ELOVL6: variants seen among roughly 807,000 people sequenced by gnomAD.
ELOVL6 encodes the protein ELOVL fatty acid elongase 6.
ELOVL6 carries 8 observed loss-of-function variants against 31.7 expected under a neutral mutation model. That is an observed-to-expected ratio of 0.25 (90% CI 0.15 to 0.45). The LOEUF (loss-of-function observed/expected upper bound fraction) is 0.45, where lower values mean the gene tolerates loss of function less well. Ranked by LOEUF, ELOVL6 falls within the 20% of genes least tolerant of loss-of-function variation. The probability of loss-of-function intolerance (pLI) is 1.00; values close to 1 mark genes in which losing one functional copy is unlikely to be tolerated. For synonymous variants in ELOVL6, 101 were observed against 117.7 expected, an observed-to-expected ratio of 0.86 and a Z score of 0.92; for missense variants, 126 against 326.4, an observed-to-expected ratio of 0.39 and a Z score of 4.73.
At position 110,046,845 on chromosome 4, in the gene ELOVL6, G is replaced by C. The variant is rs1754708316; in HGVS notation, c.*4493C>G. ...TCATACTGATTGTCGGAACAAAATA[G>C]AGCATTGTGATTTCATCAGCTCTCA... On this transcript the variant is annotated 3_prime_UTR_variant, in exon 4 of 4. Transcript: ENST00000302274. 6.6e-6 allele frequency: 1 copy of C among 152,190 alleles called. No homozygotes were observed. The highest frequency in any genetic ancestry group is 1.5e-5 in the Non-Finnish European group (1 of 68,046). 9.4% of individuals were successfully genotyped at this position (152,190 alleles called of 1,614,324 possible).
intron 1 of ELOVL6, among the ~76,000 whole-genome samples, chr4:110,187,723 G>C (rs1466293669): frequency 6.6e-6 from 1 of 151,214 alleles, no homozygotes; most frequent in African/African-American, 2.4e-5. Flanking sequence ...ATTGTAATGT[G>C]ATAGTACGTA....
chr4:110,112,928 A>T (rs1757075216), intron 1 of ELOVL6, among the ~76,000 whole-genome samples: 2 of 151,920 alleles, frequency 1.3e-5, no homozygotes, highest in South Asian at 4.2e-4. Context: ...TTATCTCCTT[A>T]GAGTAAAGCT....
intron 1 of ELOVL6, among the ~76,000 whole-genome samples, chr4:110,192,999 ACT>A (rs1285800969): frequency 6.6e-6 from 1 of 152,126 alleles, no homozygotes; most frequent in Non-Finnish European, 1.5e-5. Flanking sequence ...ACTCTGGCCT[ACT>A]CTGTTCCATA....
intron 2 of ELOVL6, among the ~76,000 whole-genome samples, chr4:110,096,651 T>A (rs969909324): frequency 1.3e-5 from 2 of 152,120 alleles, no homozygotes; most frequent in African/African-American, 4.8e-5. Context: ...TTGAGCTGTC[T>A]CTGATGTCAG....
chr4:110,112,042 C>T (rs894594392), intron 1 of ELOVL6, among the ~76,000 whole-genome samples: 2 of 152,214 alleles, frequency 1.3e-5, no homozygotes, highest in South Asian at 4.1e-4. Context: ...ACACATACCC[C>T]ATCATGTCCC....
At position 110,050,698 on chromosome 4, in the gene ELOVL6, C is replaced by T. The variant is rs1754816666; in HGVS notation, c.*640G>A. The T allele has an allele frequency of 6.5e-6, 1 of 153,116 alleles. No homozygotes were observed. The highest frequency in any genetic ancestry group is 1.5e-5 in the Non-Finnish European group (1 of 68,460). 9.5% of individuals were successfully genotyped at this position (153,116 alleles called of 1,614,324 possible). A position where few individuals can be genotyped will look rare whatever the true frequency, so the allele number is the denominator to read the frequency against. ...TTTTGGCAAACTCACTAGCCTGAGG[C>T]TATGCAGTGAAGATGAAGTTAGTTG... is the stretch of plus-strand genomic sequence containing the variant. On this transcript the variant is annotated 3_prime_UTR_variant, in exon 4 of 4. Transcript: ENST00000302274.
intron 1 of ELOVL6, among the ~76,000 whole-genome samples, chr4:110,195,632 C>CT (rs1458863539): frequency 6.6e-6 from 1 of 152,026 alleles, no homozygotes. Flanking sequence ...AATAAGCAAT[C>CT]TAAGAACATA....
intron 1 of ELOVL6, among the ~76,000 whole-genome samples, chr4:110,117,361 A>G (rs1226414858): frequency 1.3e-5 from 2 of 152,192 alleles, no homozygotes; most frequent in East Asian, 3.8e-4. Flanking sequence ...TTGGGGTGAT[A>G]CCACTTATGC....
intron 1 of ELOVL6, among the ~76,000 whole-genome samples, chr4:110,189,589 T>A (rs1181190439): frequency 2.8e-5 from 2 of 71,982 alleles, no homozygotes; most frequent in African/African-American, 1.3e-4. Context: ...CAAGACTCTG[T>A]CTCAAAAAAA....
chr4:110,084,064 AACAT>A lies in ELOVL6; in HGVS notation c.221+21429_221+21432del, dbSNP rs1426619838. Among the ~76,000 whole-genome samples the A allele has an allele frequency of 1.3e-4, 13 of 102,132 alleles. 4 individuals are homozygous for A. In the East Asian group the frequency reaches 1.8e-3, roughly 14 times the overall value. 67.0% of individuals were successfully genotyped at this position (102,132 alleles called of 152,430 possible). A position where few individuals can be genotyped will look rare whatever the true frequency, so the allele number is the denominator to read the frequency against. On this transcript the variant is annotated intron_variant, in intron 2 of 3. Transcript: ENST00000302274. ...ATAACACATGCTATATATGATATAT[AACAT>A]ATATATGCTATATATGATATATAAC...
intron 1 of ELOVL6, among the ~76,000 whole-genome samples, chr4:110,144,082 G>A (rs1229838555): frequency 6.6e-6 from 1 of 151,316 alleles, no homozygotes; most frequent in Non-Finnish European, 1.5e-5. Context: ...AAAAGATGAG[G>A]GGTCTTGAGA....
At chr4:110,146,648 G>A (rs1469124886) in intron 1 of ELOVL6, 1 of 152,328 alleles carries the variant, frequency 6.6e-6, no homozygotes. Flanking sequence ...ACTAGACAAA[G>A]TCAGTGGCCC....
chr4:110,162,334 C>G (rs140328826), intron 1 of ELOVL6, among the ~76,000 whole-genome samples: 3 of 152,118 alleles, frequency 2.0e-5, no homozygotes, highest in African/African-American at 4.8e-5. Context: ...ATATAGACAT[C>G]TTGTGGGTTG....
intron 3 of ELOVL6, among the ~76,000 whole-genome samples, chr4:110,057,853 G>GAAAAAAAAAAAAAA (rs755067574): frequency 1.1e-5 from 1 of 90,926 alleles, no homozygotes; most frequent in African/African-American, 6.1e-5. Flanking sequence ...TCTGTCTCAG[G>GAAAAAAAAAAAAAA]GAAAAAAAAA....
At chr4:110,116,296 T>G (rs1412056445) in intron 1 of ELOVL6, among the ~76,000 whole-genome samples, 1 of 152,232 alleles carries the variant, frequency 6.6e-6, no homozygotes, top group Admixed American at 6.5e-5. Context: ...AAGCCATTCT[T>G]CTACTAAAAC....
intron 1 of ELOVL6, among the ~76,000 whole-genome samples, chr4:110,178,894 T>C (rs1759194280): frequency 6.6e-6 from 1 of 152,184 alleles, no homozygotes. Context: ...AATGTTAGTG[T>C]ATATCTCAGG....
At chr4:110,168,994 C>T (rs1351612497) in intron 1 of ELOVL6, among the ~76,000 whole-genome samples, 1 of 152,126 alleles carries the variant, frequency 6.6e-6, no homozygotes, top group East Asian at 1.9e-4. Context: ...AAGGGTCTCA[C>T]TCTGTCACCC....
At chr4:110,103,357 C>G (rs1304298425) in intron 2 of ELOVL6, among the ~76,000 whole-genome samples, 1 of 151,800 alleles carries the variant, frequency 6.6e-6, no homozygotes, top group East Asian at 1.9e-4. Flanking sequence ...TAAAACACAT[C>G]AAAATCATAT....
rs141924728 is a variant in ELOVL6 at position 110,145,872 on chromosome 4, T to G, written c.90-40244A>C. ...TTTTTAAGTAGCTGCTCTTTTCCTG[T>G]TAAAGAATCTTCCTAAGACTATAAT... On this transcript the variant is annotated intron_variant, in intron 1 of 3. Coordinates refer to ENST00000302274, the MANE Select transcript of ELOVL6 (RefSeq NM_024090.3). Among the ~76,000 whole-genome samples the G allele has an allele frequency of 1.0e-3, 158 of 152,298 alleles. 1 individual carries two copies. Among genetic ancestry groups the G allele is most frequent in the African/African-American group, 3.5e-3 (147 of 41,572 alleles).
Sources: allele counts gnomAD v4.1 joint callset (sites outside exome capture counted in the v4.1 genomes callset), GRCh38; gene constraint gnomAD v4.1.1; transcripts MANE v1.5; gene names NCBI Gene and HGNC (gene_info 2026-07-23, HGNC 2026-07-21).